The following GXYLT1 variants were observed in gnomAD, a reference collection of about 807,000 sequenced individuals.
GXYLT1 encodes the protein glucoside xylosyltransferase 1, also known as glycosyltransferase 8 domain containing 3.
GXYLT1 carries 29 observed loss-of-function variants against 54.0 expected under a neutral mutation model. The observed-to-expected ratio is 0.54, with a 90% CI of 0.40 to 0.73. The LOEUF (loss-of-function observed/expected upper bound fraction) is 0.73, where lower values mean the gene tolerates loss of function less well. Among genes scored for constraint, GXYLT1 ranks in the 30% least tolerant of loss-of-function variants. GXYLT1 has a pLI of 0.00. For synonymous variants in GXYLT1, 176 were observed against 204.1 expected, an observed-to-expected ratio of 0.86 and a Z score of 1.17; for missense variants, 490 against 553.4, an observed-to-expected ratio of 0.89 and a Z score of 1.15.
At chr12:42,100,036 T>C (rs2065380825) in intron 5 of GXYLT1, among the ~76,000 whole-genome samples, 1 of 152,184 alleles carries the variant, frequency 6.6e-6, no homozygotes, top group African/African-American at 2.4e-5. Context: ...TTTAGTGCTT[T>C]TTCAGATACT....
chr12:42,105,613 T>G (rs2065414624), intron 5 of GXYLT1, among the ~76,000 whole-genome samples: 1 of 152,216 alleles, frequency 6.6e-6, no homozygotes, highest in Non-Finnish European at 1.5e-5. Context: ...GTCATCTGGT[T>G]TGACCTATTG....
At chr12:42,121,538 G>C (rs933153668) in intron 2 of GXYLT1, among the ~76,000 whole-genome samples, 2 of 152,098 alleles carry the variant, frequency 1.3e-5, no homozygotes, top group African/African-American at 4.8e-5. Context: ...GCTGAGGTAG[G>C]AGGGTTGCTC....
At chr12:42,097,808 A>C (rs1458732699) in intron 6 of GXYLT1, 102 bp downstream of exon 6, 1 of 1,044,248 alleles carries the variant, frequency 9.6e-7, no homozygotes, top group Non-Finnish European at 1.4e-6. Context: ...AATAGCAATA[A>C]TCATTAATAT....
At chr12:42,117,636 G>A (rs1368992795) in intron 3 of GXYLT1, among the ~76,000 whole-genome samples, 49 of 152,050 alleles carry the variant, frequency 3.2e-4, no homozygotes, top group Non-Finnish European at 1.0e-4. Flanking sequence ...TAGAGAGGGA[G>A]GAAAGAGAAA....
chr12:42,144,357 C>CG (rs2065668093), intron 1 of GXYLT1, 69 bp downstream of exon 1: 3 of 1,049,694 alleles, frequency 2.9e-6, no homozygotes, highest in Non-Finnish European at 3.7e-6. Context: ...GCGAGCAGCC[C>CG]GGGCTAGGCC....
chr12:42,088,289 C>T (rs1275163393), intron 7 of GXYLT1, among the ~76,000 whole-genome samples: 2 of 151,798 alleles, frequency 1.3e-5, no homozygotes, highest in Admixed American at 6.6e-5. Context: ...TTACCACACA[C>T]CACACCCGCG....
intron 7 of GXYLT1, among the ~76,000 whole-genome samples, chr12:42,090,635 T>C (rs1419640499): frequency 6.6e-6 from 1 of 152,212 alleles, no homozygotes; most frequent in African/African-American, 2.4e-5. Context: ...TGAGGTATTT[T>C]CAAAGAATAG....
intron 2 of GXYLT1, among the ~76,000 whole-genome samples, chr12:42,122,387 T>C (rs371388294): frequency 1.8e-3 from 271 of 152,204 alleles, no homozygotes; most frequent in South Asian, 8.3e-3. Flanking sequence ...GTCAAGAGTT[T>C]GAGACCAGGC....
rs1231501602 is a variant in GXYLT1, at chr12:42,085,017, T to C, written c.*2769A>G. On this transcript the variant is annotated 3_prime_UTR_variant, in exon 8 of 8. Coordinates refer to ENST00000398675, the MANE Select transcript of GXYLT1 (RefSeq NM_173601.2). The stretch of plus-strand genomic sequence containing the variant: ...ACTATGTTTTATGAAAGACCATTTA[T>C]ATGAAGATGGAATACGTTCTCTAAG... The C allele has an allele frequency of 1.3e-5, 2 of 152,254 alleles. No individual in the cohort carries two copies. Among genetic ancestry groups the C allele is most frequent in the African/African-American group, 4.8e-5 (2 of 41,474 alleles). The allele number at this position is 152,254 out of a possible 1,614,324, so 9.4% of individuals were successfully genotyped here. A position where few individuals can be genotyped will look rare whatever the true frequency, so the allele number is the denominator to read the frequency against.
At chr12:42,138,704 G>A (rs2065635219) in intron 1 of GXYLT1, among the ~76,000 whole-genome samples, 1 of 152,114 alleles carries the variant, frequency 6.6e-6, no homozygotes, top group Non-Finnish European at 1.5e-5. Flanking sequence ...CAATAGGTAT[G>A]GCATATAGAT....
At chr12:42,119,476 G>A (rs76650496) in intron 2 of GXYLT1, among the ~76,000 whole-genome samples, 3,655 of 150,566 alleles carry the variant, frequency 0.024, 146 homozygotes, top group African/African-American at 0.085. Context: ...GGGAGGGAGG[G>A]AAGGAAAAAA....
chr12:42,104,084 T>C (rs1262643358), intron 5 of GXYLT1, among the ~76,000 whole-genome samples: 3 of 152,144 alleles, frequency 2.0e-5, no homozygotes, highest in Non-Finnish European at 4.4e-5. Flanking sequence ...GTAGAGACTG[T>C]TCTCTACAAA....
chr12:42,114,497 A>T (rs1011102185), intron 3 of GXYLT1, among the ~76,000 whole-genome samples: 1 of 152,228 alleles, frequency 6.6e-6, no homozygotes, highest in Non-Finnish European at 1.5e-5. Flanking sequence ...CAATACTATA[A>T]AGACCTCTAC....
At chr12:42,122,059 G>A (rs1465933215) in intron 2 of GXYLT1, among the ~76,000 whole-genome samples, 4 of 151,982 alleles carry the variant, frequency 2.6e-5, no homozygotes, top group South Asian at 2.1e-4. Context: ...ATCTTGCCAG[G>A]GTCTACAAAA....
At chr12:42,097,800 T>C in intron 6 of GXYLT1, 110 bp downstream of exon 6, 1 of 1,019,030 alleles carries the variant, frequency 9.8e-7, no homozygotes, top group Non-Finnish European at 1.4e-6. Context: ...TAAACATAAA[T>C]AGCAATAATC....
intron 2 of GXYLT1, among the ~76,000 whole-genome samples, chr12:42,121,023 T>C (rs2065527761): frequency 6.6e-6 from 1 of 152,210 alleles, no homozygotes; most frequent in Non-Finnish European, 1.5e-5. Flanking sequence ...AGAGGGGACA[T>C]GAATCCAGTT....
intron 1 of GXYLT1, among the ~76,000 whole-genome samples, chr12:42,136,793 A>AACAC (rs377361107): frequency 3.2e-4 from 13 of 40,612 alleles, no homozygotes; most frequent in South Asian, 1.2e-3. Context: ...CATACAAACA[A>AACAC]ACACACACAC....
At chr12:42,104,255 A>ATC (rs34937541) in intron 5 of GXYLT1, among the ~76,000 whole-genome samples, 5 of 149,004 alleles carry the variant, frequency 3.4e-5, no homozygotes, top group Admixed American at 1.3e-4. Flanking sequence ...GAGAAGTCAC[A>ATC]TTTTTTTTTT....
At chr12:42,093,201 G>A (rs575586254) in intron 7 of GXYLT1, among the ~76,000 whole-genome samples, 3 of 152,302 alleles carry the variant, frequency 2.0e-5, no homozygotes, top group African/African-American at 7.2e-5. Context: ...AGGTTCAAGC[G>A]ATTCTCTTGC....
Sources: gnomAD v4.1 joint callset for allele counts (sites outside exome capture counted in the v4.1 genomes callset) on GRCh38, gnomAD v4.1.1 for gene constraint, MANE v1.5 for transcripts, NCBI Gene and HGNC (gene_info 2026-07-23, HGNC 2026-07-21) for gene names.